PTPRA: variants seen among roughly 807,000 people sequenced by gnomAD.
PTPRA encodes the protein receptor-type tyrosine-protein phosphatase alpha.
PTPRA carries 25 observed loss-of-function variants against 104.8 expected under a neutral mutation model. The ratio of observed to expected loss-of-function variants is 0.24; its 90% CI spans 0.17 to 0.33. PTPRA has a LOEUF of 0.33. PTPRA is among the 10% of genes least tolerant of loss of function. PTPRA has a pLI of 1.00. For missense variants in PTPRA, 765 were observed against 1,015.3 expected (o/e 0.75, Z 3.35); for synonymous variants, 323 against 368.9 (o/e 0.88, Z 1.43).
Position 2,979,292 on chromosome 20 carries a change from C to T in PTPRA, c.442+4051C>T, listed in dbSNP as rs538482923. 5.6e-4 allele frequency among the ~76,000 whole-genome samples: 85 copies of T among 152,306 alleles called. 1 individual carries two copies. The highest frequency in any genetic ancestry group is 1.9e-3 in the African/African-American group (81 of 41,564). ...CCACAAACTAGATTATTTCTTTTGG[C>T]CTGATAACTCAGGAACTTTCTTGTA... is the stretch of plus-strand genomic sequence containing the variant. On this transcript the variant is annotated intron_variant, in intron 6 of 23. Transcript: ENST00000399903.
chr20:2,927,962 A>G (rs968230626), intron 2 of PTPRA, among the ~76,000 whole-genome samples: 23 of 151,992 alleles, frequency 1.5e-4, no homozygotes, highest in Admixed American at 6.6e-5. Flanking sequence ...GTGAGCCAAG[A>G]TCATACCATT....
chr20:2,923,070 C>T (rs1342828945), intron 1 of PTPRA, 137 bp from the exon 2 acceptor site: 1 of 293,202 alleles, frequency 3.4e-6, no homozygotes, highest in Non-Finnish European at 6.4e-6. Flanking sequence ...GGATTATAGG[C>T]ATGTGCCACC....
chr20:3,037,142 G>T lies in PTPRA; in HGVS notation c.2199-12G>T, dbSNP rs199700643. On this transcript the variant is annotated splice_polypyrimidine_tract_variant and intron_variant, in intron 22 of 23. Coordinates refer to ENST00000399903, the MANE Select transcript of PTPRA (RefSeq NM_001385305.1). This position sits in a 1 kb window ranked among gnomAD's most constrained non-coding sequence, Gnocchi z 4.3. Reference sequence around the variant, plus strand: ...CATCACAGGTGTGGTAAATGTGTCTGCTCTGTTGCAGCGCCGGGGCAGGAA... The same window carrying T: ...CATCACAGGTGTGGTAAATGTGTCTTCTCTGTTGCAGCGCCGGGGCAGGAA... 1.4e-5 allele frequency: 22 copies of T among 1,613,112 alleles called. No homozygotes were observed. The East Asian group carries it at 4.0e-4, about 29-fold the overall frequency.
chr20:2,961,319 A>G (rs2061747388), intron 3 of PTPRA, among the ~76,000 whole-genome samples: 1 of 152,192 alleles, frequency 6.6e-6, no homozygotes, highest in African/African-American at 2.4e-5. Context: ...TTTGGATTTT[A>G]AAACCAAAAT....
intron 2 of PTPRA, among the ~76,000 whole-genome samples, chr20:2,925,347 A>G (rs989752559): frequency 1.3e-5 from 2 of 152,260 alleles, no homozygotes; most frequent in Non-Finnish European, 2.9e-5. Context: ...TTTATTTCAC[A>G]TAGGATGACC....
At chr20:2,878,728 A>G (rs893851523) in intron 1 of PTPRA, among the ~76,000 whole-genome samples, 1 of 152,216 alleles carries the variant, frequency 6.6e-6, no homozygotes, top group African/African-American at 2.4e-5. Context: ...TCAGCAATTT[A>G]TGGGGCCATT....
chr20:2,924,839 C>T (rs891182840), intron 2 of PTPRA, among the ~76,000 whole-genome samples: 6 of 152,058 alleles, frequency 3.9e-5, no homozygotes, highest in Non-Finnish European at 7.4e-5. Context: ...CGCCACCACG[C>T]CCAGCTAATT....
chr20:3,027,281 T>G, intron 19 of PTPRA, 84 bp downstream of exon 19: 1 of 1,332,916 alleles, frequency 7.5e-7, no homozygotes, highest in South Asian at 1.2e-5. Flanking sequence ...CCATACCTGC[T>G]GGGGAGGATC....
At chr20:2,868,565 C>T (rs1035897850), upstream of PTPRA, among the ~76,000 whole-genome samples, 5 of 140,690 alleles carry the variant, frequency 3.6e-5, no homozygotes, top group Non-Finnish European at 6.1e-5. Flanking sequence ...CTTTTGGAAT[C>T]AGCAGACAAG....
At chr20:3,015,299 T>A (rs891106447) in intron 11 of PTPRA, among the ~76,000 whole-genome samples, 1 of 148,812 alleles carries the variant, frequency 6.7e-6, no homozygotes, top group Non-Finnish European at 1.5e-5. Flanking sequence ...CTTTCTTTCT[T>A]TTTCTTTTTT....
intron 1 of PTPRA, among the ~76,000 whole-genome samples, chr20:2,885,890 C>A (rs2090354573): frequency 6.6e-6 from 1 of 151,854 alleles, no homozygotes; most frequent in African/African-American, 2.4e-5. Context: ...ATGGTGAAAC[C>A]CCGTCTCTAC....
rs868409302 is a variant in PTPRA at position 3,027,273 on chromosome 20, A to G, written c.1785+76A>G. 2.2e-5 allele frequency: 30 copies of G among 1,390,482 alleles called. No individual in the cohort carries two copies. The African/African-American group carries it at 3.6e-4, about 16-fold the overall frequency. The allele number at this position is 1,390,482 out of a possible 1,614,324, so 86.1% of individuals were successfully genotyped here. A position where few individuals can be genotyped will look rare whatever the true frequency, so the allele number is the denominator to read the frequency against. On this transcript the variant is annotated intron_variant, in intron 19 of 23. Coordinates refer to ENST00000399903, the MANE Select transcript of PTPRA (RefSeq NM_001385305.1). The stretch of plus-strand genomic sequence containing the variant: ...CCAGCACTTGCAGTGCCTCCCTCCC[A>G]TACCTGCTGGGGAGGATCATGTTTG...
chr20:2,937,577 T>C (rs1600140699), intron 2 of PTPRA, among the ~76,000 whole-genome samples: 1 of 152,372 alleles, frequency 6.6e-6, no homozygotes, highest in Non-Finnish European at 1.5e-5. Flanking sequence ...TATGTGTGTC[T>C]GTATATGAAT....
chr20:3,037,978 A>C lies in PTPRA; in HGVS notation c.2335-81A>C, dbSNP rs999739642. Reference sequence around the variant, plus strand: ...TTCCTCTTGATTTTCCATCTTCAACAAAAAAATGAGTCTGTTAGGAATTAC... The same window carrying C: ...TTCCTCTTGATTTTCCATCTTCAACCAAAAAATGAGTCTGTTAGGAATTAC... On this transcript the variant is annotated intron_variant, in intron 23 of 23. Coordinates refer to ENST00000399903, the MANE Select transcript of PTPRA (RefSeq NM_001385305.1). The surrounding 1 kb of genome is among the most constrained non-coding windows in gnomAD (Gnocchi z 4.3). The C allele has an allele frequency of 8.1e-7, 1 of 1,232,550 alleles. No homozygotes were observed. The highest frequency in any genetic ancestry group is 1.2e-6 in the Non-Finnish European group (1 of 852,006). The allele number at this position is 1,232,550 out of a possible 1,614,324, so 76.4% of individuals were successfully genotyped here. A position where few individuals can be genotyped will look rare whatever the true frequency, so the allele number is the denominator to read the frequency against.
chr20:3,032,510 G>A (rs1249717470), intron 20 of PTPRA, among the ~76,000 whole-genome samples: 5 of 152,106 alleles, frequency 3.3e-5, no homozygotes, highest in Non-Finnish European at 7.4e-5. Flanking sequence ...GCTCACGCCT[G>A]TAATCCCAGC....
At chr20:2,973,133 C>CTT (rs200708559) in intron 5 of PTPRA, among the ~76,000 whole-genome samples, 7 of 144,510 alleles carry the variant, frequency 4.8e-5, no homozygotes, top group Admixed American at 6.9e-5. Context: ...TTTATGTCTC[C>CTT]TTTTTTTTTT....
chr20:2,895,799 G>A (rs2058976109), intron 1 of PTPRA, among the ~76,000 whole-genome samples: 2 of 152,144 alleles, frequency 1.3e-5, no homozygotes, highest in Non-Finnish European at 2.9e-5. Context: ...AAAGTGCTGG[G>A]ATTACAGGTG....
Position 2,986,845 on chromosome 20 carries a change from T to G in PTPRA, c.523T>G (p.Leu175Val). The stretch of plus-strand genomic sequence containing the variant: ...GTTTATTATCATAGTTTTGTACATG[T>G]TAAGGTGAGCCTACTAACACTTCAC... ...IVFIIIVLYM[L>V]RFKKYKQAGS... Residue 175 changes from leucine to valine, a missense_variant, in exon 7 of 24, where the codon TTA becomes GTA. By Grantham distance (32) the Leu-to-Val change is conservative (BLOSUM62 1). Around this residue, in one of 4 missense-constraint regions of PTPRA, gnomAD observed 256 missense variants for 248.9 expected, o/e 1.03. Transcript: ENST00000399903. 1 of 1,606,032 alleles carries G rather than the reference T, an allele frequency of 6.2e-7. No homozygotes were observed. Among genetic ancestry groups the G allele is most frequent in the Non-Finnish European group, 8.5e-7 (1 of 1,172,602 alleles).
intron 13 of PTPRA, among the ~76,000 whole-genome samples, chr20:3,020,044 G>C (rs902237784): frequency 6.6e-6 from 1 of 152,178 alleles, no homozygotes; most frequent in South Asian, 2.1e-4. Flanking sequence ...GCTTCGGCTC[G>C]GCATCGGAGG....
Sources: allele counts gnomAD v4.1 joint callset (sites outside exome capture counted in the v4.1 genomes callset), GRCh38; gene constraint gnomAD v4.1.1; regional missense constraint gnomAD v4.1.1; non-coding constraint Gnocchi (gnomAD v3.1); transcripts MANE v1.5; gene names NCBI Gene and HGNC (gene_info 2026-07-23, HGNC 2026-07-21).